Variants in ANO6 observed in about 807,000 individuals in gnomAD.
ANO6 encodes anoctamin 6.
In ANO6, 106 loss-of-function variants were observed where a neutral mutation model predicts 117.5. The observed-to-expected ratio is 0.90, with a 90% CI of 0.77 to 1.06. ANO6 has a LOEUF of 1.06. ANO6 is among the 50% of genes least tolerant of loss of function. The pLI is 0.00. For missense variants in ANO6, 955 were observed against 1,121.1 expected, an observed-to-expected ratio of 0.85 and a Z score of 2.12; for synonymous variants, 367 against 385.1, an observed-to-expected ratio of 0.95 and a Z score of 0.55.
intron 7 of ANO6, among the ~76,000 whole-genome samples, chr12:45,355,972 A>C (rs1413313803): frequency 6.6e-6 from 1 of 152,228 alleles, no homozygotes; most frequent in Non-Finnish European, 1.5e-5. Flanking sequence ...CGTACAGATC[A>C]AGATGAAGGC....
At chr12:45,424,098 G>A (rs1943433929) in intron 19 of ANO6, among the ~76,000 whole-genome samples, 1 of 151,116 alleles carries the variant, frequency 6.6e-6, no homozygotes, top group African/African-American at 2.4e-5. Flanking sequence ...TCTGACTCAT[G>A]TCAGTATCTG....
intron 19 of ANO6, among the ~76,000 whole-genome samples, chr12:45,424,331 T>TTTTTG (rs1943441820): frequency 9.1e-6 from 1 of 109,388 alleles, no homozygotes; most frequent in African/African-American, 3.5e-5. Flanking sequence ...TGATGGGTTT[T>TTTTTG]TTTTTTTTTT....
At chr12:45,371,595 G>C (rs1593026807) in intron 9 of ANO6, among the ~76,000 whole-genome samples, 2 of 151,936 alleles carry the variant, frequency 1.3e-5, no homozygotes, top group African/African-American at 2.4e-5. Context: ...CCCCCAGCAG[G>C]GGCACACTGA....
At chr12:45,329,576 G>A (rs973167209) in intron 2 of ANO6, among the ~76,000 whole-genome samples, 10 of 152,044 alleles carry the variant, frequency 6.6e-5, no homozygotes, top group Non-Finnish European at 1.2e-4. Flanking sequence ...CTCATTCCAG[G>A]CCTAATTCTT....
intron 1 of ANO6, among the ~76,000 whole-genome samples, chr12:45,252,335 TATTTATCCTCAGTATAAC>T (rs1206434961): frequency 6.6e-6 from 1 of 152,240 alleles, no homozygotes; most frequent in Non-Finnish European, 1.5e-5. Context: ...TGGAGACTTG[TATTTATCCTCAGTATAAC>T]AGGTGGTGGC....
intron 12 of ANO6, 88 bp from the exon 13 acceptor site, chr12:45,401,707 C>G (rs752142624): frequency 1.5e-5 from 16 of 1,074,192 alleles, no homozygotes; most frequent in Non-Finnish European, 2.2e-5. Context: ...ACTTTACACA[C>G]ACACCTTGTT....
intron 2 of ANO6, among the ~76,000 whole-genome samples, chr12:45,323,853 T>C (rs1319126486): frequency 4.3e-5 from 1 of 23,150 alleles, no homozygotes; most frequent in African/African-American, 6.3e-5. Context: ...AAGAGAGTTT[T>C]GTAAGGTTTT....
At chr12:45,228,209 G>A in intron 1 of ANO6, 1 of 437,190 alleles carries the variant, frequency 2.3e-6, no homozygotes, top group Non-Finnish European at 4.5e-6. Context: ...ATGGCTCACT[G>A]TAGCATTGAC....
At chr12:45,346,837 C>T (rs892128298) in intron 3 of ANO6, among the ~76,000 whole-genome samples, 185 bp from the exon 4 acceptor site, 1 of 152,218 alleles carries the variant, frequency 6.6e-6, no homozygotes, top group Non-Finnish European at 1.5e-5. Flanking sequence ...GGATCCAACA[C>T]TTACATGTCA....
At chr12:45,384,148 G>C (rs1012288455) in intron 10 of ANO6, among the ~76,000 whole-genome samples, 12 of 152,178 alleles carry the variant, frequency 7.9e-5, no homozygotes, top group Admixed American at 2.0e-4. Flanking sequence ...ACCAACCTCT[G>C]CTAGCTTCAA....
At chr12:45,346,943 T>C in intron 3 of ANO6, 79 bp from the exon 4 acceptor site, 5 of 1,313,580 alleles carry the variant, frequency 3.8e-6, no homozygotes, top group South Asian at 3.6e-5. Context: ...GATTTTGTTA[T>C]TAATATTGTT....
At chr12:45,373,239 T>C (rs1229430883) in intron 9 of ANO6, among the ~76,000 whole-genome samples, 1 of 152,126 alleles carries the variant, frequency 6.6e-6, no homozygotes, top group African/African-American at 2.4e-5. Context: ...CAAAGAGACT[T>C]AGACACCCAC....
At position 45,371,465 on chromosome 12, in the gene ANO6, G is replaced by T. The variant is rs563497496; in HGVS notation, c.1104+3672G>T. On this transcript the variant is annotated intron_variant, in intron 9 of 19. Transcript: ENST00000320560. ...TCTGCAGACTGAAATGTCCCTGTCT[G>T]ACAGCTTTGAAGAGAGCAGTGGTTC... Among the ~76,000 whole-genome samples the T allele has an allele frequency of 8.0e-3, 1,216 of 152,108 alleles. 12 individuals carry two copies. Among genetic ancestry groups the T allele is most frequent in the Non-Finnish European group, 0.011 (774 of 67,976 alleles).
intron 2 of ANO6, among the ~76,000 whole-genome samples, chr12:45,304,391 A>G (rs1939596172): frequency 6.6e-6 from 1 of 152,220 alleles, no homozygotes; most frequent in African/African-American, 2.4e-5. Context: ...AAAATCAGAA[A>G]TGAGTGTCAC....
intron 1 of ANO6, among the ~76,000 whole-genome samples, chr12:45,269,744 G>A (rs1454546834): frequency 1.3e-5 from 2 of 152,140 alleles, no homozygotes; most frequent in Non-Finnish European, 2.9e-5. Flanking sequence ...TTTGGATTGG[G>A]CATTTCCCAC....
intron 13 of ANO6, 66 bp downstream of exon 13, chr12:45,402,086 G>C (rs1011661052): frequency 4.3e-6 from 6 of 1,400,812 alleles, no homozygotes; most frequent in Non-Finnish European, 6.0e-6. Context: ...AATAGAGACT[G>C]TTATCTTTTA....
At chr12:45,218,806 T>C (rs1347238545) in intron 1 of ANO6, among the ~76,000 whole-genome samples, 1 of 152,220 alleles carries the variant, frequency 6.6e-6, no homozygotes, top group East Asian at 1.9e-4. Context: ...TGCACGTCTG[T>C]ATTTACGCTA....
At chr12:45,218,721 AATT>A (rs1947352957) in intron 1 of ANO6, among the ~76,000 whole-genome samples, 1 of 152,160 alleles carries the variant, frequency 6.6e-6, no homozygotes, top group African/African-American at 2.4e-5. Context: ...TTTACAAAAT[AATT>A]ATTATTTCCA....
chr12:45,405,532 A>G (rs1333266478), intron 15 of ANO6, among the ~76,000 whole-genome samples: 2 of 152,208 alleles, frequency 1.3e-5, no homozygotes, highest in Non-Finnish European at 2.9e-5. Context: ...GCTGAGTGTT[A>G]GCCAAATTAG....
Sources: allele counts gnomAD v4.1 joint callset (sites outside exome capture counted in the v4.1 genomes callset), GRCh38; gene constraint gnomAD v4.1.1; transcripts MANE v1.5; gene names NCBI Gene and HGNC (gene_info 2026-07-23, HGNC 2026-07-21).